The following TTC38 variants were observed in gnomAD, a reference collection of about 807,000 sequenced individuals.
The protein encoded by TTC38 is tetratricopeptide repeat protein 38.
TTC38 carries 64 observed loss-of-function variants against 64.2 expected under a neutral mutation model. That is an observed-to-expected ratio of 1.00 (90% CI 0.81 to 1.23). TTC38 has a LOEUF of 1.23. Ranked by LOEUF, TTC38 falls within the 50% of genes most tolerant of loss-of-function variation. TTC38 has a pLI of 0.00. For missense variants in TTC38, 573 were observed against 615.5 expected (o/e 0.93, Z 0.73); for synonymous variants, 254 against 249.3 (o/e 1.02, Z -0.18).
rs796074590 is a variant in TTC38 at position 46,270,562 on chromosome 22, G to T, written c.112-1773G>T. The stretch of plus-strand genomic sequence containing the variant: ...TAAAAATGATGATGCGCTGGGCGCG[G>T]TGACTCACGCCTGTAATCCCAGCAC... On this transcript the variant is annotated intron_variant, in intron 2 of 13. Transcript: ENST00000381031. This position sits in a 1 kb window ranked among gnomAD's most constrained non-coding sequence, Gnocchi z 4.7. Among the ~76,000 whole-genome samples, 34 of 152,350 alleles carry T rather than the reference G, an allele frequency of 2.2e-4. No homozygotes were observed. The highest frequency in any genetic ancestry group is 8.2e-4 in the African/African-American group (34 of 41,576).
chr22:46,285,055 G>A (rs905664836), intron 8 of TTC38, among the ~76,000 whole-genome samples, 186 bp from the exon 9 acceptor site: 4 of 152,006 alleles, frequency 2.6e-5, no homozygotes, highest in Non-Finnish European at 5.9e-5. Flanking sequence ...CCAAAGCCCC[G>A]GTTGGAAGCG....
Position 46,273,979 on chromosome 22 carries a change from C to T in TTC38, c.275C>T (p.Ala92Val). ...SVKLDKELDL[A>V]VKTMVEISRT... Reference sequence around the variant, plus strand: ...AAGCTGGACAAAGAGCTGGACCTGGCTGTGAAGACAATGGTGGAGATTTCA... The same window carrying T: ...AAGCTGGACAAAGAGCTGGACCTGGTTGTGAAGACAATGGTGGAGATTTCA... The change falls in exon 4 of 14, where the codon GCT (alanine) becomes GTT (valine). Residue 92 changes from alanine to valine, a missense_variant. Physicochemically the swap from Ala to Val is moderately conservative, Grantham distance 64. Around this residue, in one of 3 missense-constraint regions of TTC38, gnomAD observed 134 missense variants for 126.5 expected, o/e 1.06. Coordinates refer to ENST00000381031, the MANE Select transcript of TTC38 (RefSeq NM_017931.4). This position sits in a 1 kb window ranked among gnomAD's most constrained non-coding sequence, Gnocchi z 5.1. 6.2e-7 allele frequency: 1 copy of T among 1,614,204 alleles called. No individual in the cohort carries two copies. Among genetic ancestry groups the T allele is most frequent in the South Asian group, 1.1e-5 (1 of 91,084 alleles).
In TTC38 at chr22:46,292,905, C is replaced by A. The variant is rs767439732; in HGVS notation, c.*21C>A. ...AGTGAGCCAGCCTGGCCGCCTCCAC[C>A]CTGCAGAACCTCAGTGGTGGCGTCA... On this transcript the variant is annotated 3_prime_UTR_variant, in exon 14 of 14. Transcript: ENST00000381031. This position sits in a 1 kb window ranked among gnomAD's most constrained non-coding sequence, Gnocchi z 6.5. 1 of 1,588,134 alleles carries A rather than the reference C, an allele frequency of 6.3e-7. No individual in the cohort carries two copies. Among genetic ancestry groups the A allele is most frequent in the Non-Finnish European group, 8.6e-7 (1 of 1,157,382 alleles).
rs1937001521 is a variant in TTC38, at chr22:46,276,060, A to G, written c.539+639A>G. Among the ~76,000 whole-genome samples, 1 of 152,186 alleles carries G rather than the reference A, an allele frequency of 6.6e-6. No homozygotes were observed. Among genetic ancestry groups the G allele is most frequent in the African/African-American group, 2.4e-5 (1 of 41,446 alleles). On this transcript the variant is annotated intron_variant, in intron 5 of 13. Coordinates refer to ENST00000381031, the MANE Select transcript of TTC38 (RefSeq NM_017931.4). This position sits in a 1 kb window ranked among gnomAD's most constrained non-coding sequence, Gnocchi z 4.7. ...GACTTCACTGCAGCTTCATTACAGA[A>G]TAGTTGTGAGGTTCGGACAGGTTAA...
In TTC38 at chr22:46,289,915, C is replaced by T; in HGVS notation, c.1316+16C>T. 8 of 1,612,218 alleles carry T rather than the reference C, an allele frequency of 5.0e-6. No homozygotes were observed. The highest frequency in any genetic ancestry group is 6.8e-6 in the Non-Finnish European group (8 of 1,178,394). ...ACGTAGCCCGGTGAGCTCCTGGCCC[C>T]TGCCCAGCACTCCCGACCTTCACAG... is the stretch of plus-strand genomic sequence containing the variant. On this transcript the variant is annotated intron_variant, in intron 13 of 13. Transcript: ENST00000381031.
chr22:46,286,013 T>TTAAAAAA (rs2077569172), intron 9 of TTC38, among the ~76,000 whole-genome samples: 1 of 61,734 alleles, frequency 1.6e-5, no homozygotes, highest in African/African-American at 4.4e-4. Flanking sequence ...AGACTCTGTC[T>TTAAAAAA]CAAAAAAAAA....
chr22:46,278,676 C>T lies in TTC38; in HGVS notation c.615+15C>T. 4.3e-6 allele frequency: 7 copies of T among 1,610,412 alleles called. No homozygotes were observed. The highest frequency in any genetic ancestry group is 5.9e-6 in the Non-Finnish European group (7 of 1,176,644). ...TCGCCAAAGAGGTAAGTGGGTCCTT[C>T]CTAAGGTGCCTGACCCCTCAGGGAG... On this transcript the variant is annotated intron_variant, in intron 6 of 13. Transcript: ENST00000381031.
In TTC38 at chr22:46,281,678, A is replaced by T. The variant is rs1225689104; in HGVS notation, c.695A>T (p.Asp232Val). Residue 232 changes from aspartate (D) to valine (V), a missense_variant, in exon 7 of 14, where the codon GAT becomes GTT. Asp to Val is a radical substitution (Grantham distance 152, BLOSUM62 -3). Around this residue, in one of 3 missense-constraint regions of TTC38, gnomAD observed 371 missense variants for 381.8 expected, o/e 0.97. Coordinates refer to ENST00000381031, the MANE Select transcript of TTC38 (RefSeq NM_017931.4). This position sits in a 1 kb window ranked among gnomAD's most constrained non-coding sequence, Gnocchi z 5.2. The stretch of plus-strand genomic sequence containing the variant: ...CACGAGATGAAAGCAGAGATCAAGG[A>T]TGGGTTGGAATTCATGCAGCACTCA... ...HIHEMKAEIKDGLEFMQHSET... is the reference protein window; with the variant it reads ...HIHEMKAEIKVGLEFMQHSET... 5 of 1,614,024 alleles carry T rather than the reference A, an allele frequency of 3.1e-6. No homozygotes were observed. Among genetic ancestry groups the T allele is most frequent in the Non-Finnish European group, 4.2e-6 (5 of 1,180,038 alleles).
chr22:46,292,704 T>C lies in TTC38; in HGVS notation c.1317-87T>C, dbSNP rs996242657. The C allele has an allele frequency of 2.5e-6, 3 of 1,220,688 alleles. No individual in the cohort carries two copies. In the African/African-American group the frequency reaches 4.4e-5, roughly 18 times the overall value. The allele number at this position is 1,220,688 out of a possible 1,614,324, so 75.6% of individuals were successfully genotyped here. On this transcript the variant is annotated intron_variant, in intron 13 of 13. Transcript: ENST00000381031. The surrounding 1 kb of genome is among the most constrained non-coding windows in gnomAD (Gnocchi z 6.5). ...CCTCAGTGCCGCAGTCTAGCCTGCC[T>C]GTGTTCTGCCTTGGGACCAAGGGAC...
At chr22:46,284,098 T>C in intron 8 of TTC38, 66 bp downstream of exon 8, 1 of 1,374,442 alleles carries the variant, frequency 7.3e-7, no homozygotes, top group Non-Finnish European at 1.0e-6. Context: ...AAGATTTTTC[T>C]AGCTTTTGCT....
At chr22:46,278,686 C>A in intron 6 of TTC38, 25 bp downstream of exon 6, 1 of 1,599,600 alleles carries the variant, frequency 6.3e-7, no homozygotes, top group Non-Finnish European at 8.6e-7. Flanking sequence ...CCTAAGGTGC[C>A]TGACCCCTCA....
chr22:46,288,630 C>T (rs1340630867), intron 11 of TTC38, 42 bp downstream of exon 11: 1 of 1,586,902 alleles, frequency 6.3e-7, no homozygotes, highest in Admixed American at 1.7e-5. Flanking sequence ...CCTCACCCTG[C>T]CGAGAGGGTG....
At position 46,271,338 on chromosome 22, in the gene TTC38, G is replaced by A. The variant is rs1288465751; in HGVS notation, c.112-997G>A. On this transcript the variant is annotated intron_variant, in intron 2 of 13. Coordinates refer to ENST00000381031, the MANE Select transcript of TTC38 (RefSeq NM_017931.4). The surrounding 1 kb of genome is among the most constrained non-coding windows in gnomAD (Gnocchi z 5.5). ...CGCCATTCTCCTGCCTCAGCCTCCC[G>A]AGTAGCTGGGATTACAGGCGCCCAC... Among the ~76,000 whole-genome samples the A allele has an allele frequency of 1.3e-5, 2 of 150,972 alleles. No homozygotes were observed. Among genetic ancestry groups the A allele is most frequent in the Non-Finnish European group, 2.9e-5 (2 of 67,854 alleles).
In TTC38 at chr22:46,280,854, A is replaced by G. The variant is rs550382317; in HGVS notation, c.616-745A>G. ...GGGGGACCTGGGCACAGGCCAGGCA[A>G]TGGGGCTTCTGTGAGCCTCAGTTTA... On this transcript the variant is annotated intron_variant, in intron 6 of 13. Transcript: ENST00000381031. Among the ~76,000 whole-genome samples, 8 of 152,322 alleles carry G rather than the reference A, an allele frequency of 5.3e-5. No individual in the cohort carries two copies. In the East Asian group the frequency reaches 1.5e-3, roughly 29 times the overall value.
At position 46,281,829 on chromosome 22, in the gene TTC38, C is replaced by T. The variant is rs1292564041; in HGVS notation, c.735+111C>T. Reference sequence around the variant, plus strand: ...AGGGCATGGCTTAATTCTCGGGGTTCCCTCTCCTCCTCCACCTGCACCTGC... The same window carrying T: ...AGGGCATGGCTTAATTCTCGGGGTTTCCTCTCCTCCTCCACCTGCACCTGC... On this transcript the variant is annotated intron_variant, in intron 7 of 13. Transcript: ENST00000381031. This position sits in a 1 kb window ranked among gnomAD's most constrained non-coding sequence, Gnocchi z 5.2. 26 of 1,433,134 alleles carry T rather than the reference C, an allele frequency of 1.8e-5. No homozygotes were observed. Among genetic ancestry groups the T allele is most frequent in the Non-Finnish European group, 2.2e-5 (23 of 1,033,276 alleles). The allele number at this position is 1,433,134 out of a possible 1,614,324, so 88.8% of individuals were successfully genotyped here. A position where few individuals can be genotyped will look rare whatever the true frequency, so the allele number is the denominator to read the frequency against.
Position 46,274,183 on chromosome 22 carries a change from T to A in TTC38, c.365+114T>A. The A allele has an allele frequency of 1.1e-6, 1 of 898,580 alleles. No individual in the cohort carries two copies. Among genetic ancestry groups the A allele is most frequent in the Non-Finnish European group, 1.7e-6 (1 of 589,256 alleles). 55.7% of individuals were successfully genotyped at this position (898,580 alleles called of 1,614,324 possible). On this transcript the variant is annotated intron_variant, in intron 4 of 13. Coordinates refer to ENST00000381031, the MANE Select transcript of TTC38 (RefSeq NM_017931.4). The surrounding 1 kb of genome is among the most constrained non-coding windows in gnomAD (Gnocchi z 4.8). ...GGGGCGGGGTGGGAGAATGCTTCTC[T>A]CCCTGCCTCCTGAGATGCTCTGATG...
intron 13 of TTC38, among the ~76,000 whole-genome samples, chr22:46,290,112 C>T (rs2077602731): frequency 1.3e-5 from 2 of 152,244 alleles, no homozygotes; most frequent in South Asian, 4.1e-4. Context: ...ACCTCCCACC[C>T]TTCCCAGCCC....
intron 6 of TTC38, among the ~76,000 whole-genome samples, chr22:46,279,823 C>T (rs575911132): frequency 5.9e-4 from 90 of 152,272 alleles, no homozygotes; most frequent in African/African-American, 2.1e-3. Flanking sequence ...TAGGAAAGTC[C>T]CTTGGAGACC....
chr22:46,288,440 C>T lies in TTC38; in HGVS notation c.934C>T (p.Arg312Trp), dbSNP rs377651007. ...GTCCTCAGGAGTGTCTGTGGGCCAGCGGTGGCAGGATGTCCTGCCTGTGGC... is the reference window on the plus strand; with the variant it reads ...GTCCTCAGGAGTGTCTGTGGGCCAGTGGTGGCAGGATGTCCTGCCTGTGGC... ...LQMEGVSVGQ[R>W]WQDVLPVARK... is the part of the protein sequence containing the mutation. The change falls in exon 11 of 14, where the codon CGG (arginine) becomes TGG (tryptophan). Residue 312 changes from arginine (R) to tryptophan (W), a missense_variant. By Grantham distance (101) the Arg-to-Trp change is moderately radical (BLOSUM62 -3). This residue lies in a region of TTC38 where 371 missense variants were observed against 381.8 expected (regional missense o/e 0.97). Transcript: ENST00000381031. 1.1e-5 allele frequency: 18 copies of T among 1,613,490 alleles called. No homozygotes were observed. Among genetic ancestry groups the T allele is most frequent in the African/African-American group, 8.0e-5 (6 of 74,920 alleles).
Sources: gnomAD v4.1 joint callset for allele counts (sites outside exome capture counted in the v4.1 genomes callset) on GRCh38, gnomAD v4.1.1 for gene constraint, gnomAD v4.1.1 regional missense constraint, Gnocchi (gnomAD v3.1) non-coding constraint, MANE v1.5 for transcripts, NCBI Gene and HGNC (gene_info 2026-07-23, HGNC 2026-07-21) for gene names.